Variants in SIN3B observed in about 807,000 individuals in gnomAD.
The protein encoded by SIN3B is paired amphipathic helix protein Sin3b.
Under a neutral mutation model 120.2 loss-of-function variants are expected in SIN3B, and 19 were observed. The observed-to-expected ratio is 0.16, with a 90% CI of 0.11 to 0.23. The LOEUF is 0.23. Among genes scored for constraint, SIN3B ranks in the 10% least tolerant of loss-of-function variants. The pLI is 1.00. For missense variants in SIN3B, 1,073 were observed against 1,573.0 expected, an observed-to-expected ratio of 0.68 and a Z score of 5.38; for synonymous variants, 654 against 653.2, an observed-to-expected ratio of 1.00 and a Z score of -0.02.
At chr19:16,844,873 G>A (rs1480427784) in intron 4 of SIN3B, among the ~76,000 whole-genome samples, 1 of 152,180 alleles carries the variant, frequency 6.6e-6, no homozygotes, top group Non-Finnish European at 1.5e-5. Flanking sequence ...AAATCAGACA[G>A]GTCATTGTGG....
At chr19:16,855,274 C>T (rs566297050) in intron 8 of SIN3B, 1 of 149,790 alleles carries the variant, frequency 6.7e-6, no homozygotes. Flanking sequence ...CTGCCTCAGC[C>T]GGAGTCTGTT....
chr19:16,867,681 C>T (rs769138793), intron 12 of SIN3B, among the ~76,000 whole-genome samples: 7 of 152,178 alleles, frequency 4.6e-5, no homozygotes. Context: ...GCACAGTGAG[C>T]GGTCGCTCCT....
intron 11 of SIN3B, among the ~76,000 whole-genome samples, 166 bp downstream of exon 11, chr19:16,865,814 G>A (rs1971764235): frequency 1.3e-5 from 2 of 151,508 alleles, no homozygotes; most frequent in East Asian, 1.9e-4. Context: ...GTGCCTTCCT[G>A]TATTTCCCAG....
chr19:16,843,813 A>G (rs182043342), intron 4 of SIN3B, among the ~76,000 whole-genome samples: 50 of 151,930 alleles, frequency 3.3e-4, no homozygotes, highest in Admixed American at 7.9e-4. Context: ...CAGGATTCCC[A>G]TTCATCAGGG....
intron 12 of SIN3B, among the ~76,000 whole-genome samples, chr19:16,867,014 CAAA>C (rs1193171236): frequency 6.6e-6 from 1 of 152,186 alleles, no homozygotes; most frequent in Non-Finnish European, 1.5e-5. Context: ...CTCAGCCTCC[CAAA>C]GTGCTGGGAT....
chr19:16,874,355 G>C (rs1205652564), intron 14 of SIN3B, among the ~76,000 whole-genome samples: 1 of 151,986 alleles, frequency 6.6e-6, no homozygotes, highest in Non-Finnish European at 1.5e-5. Context: ...GTCTGGCCTG[G>C]TCTGGTCTGG....
At position 16,847,020 on chromosome 19, in the gene SIN3B, G is replaced by A; in HGVS notation, c.633G>A (p.Glu211=). Residue 211 remains glutamate, a synonymous_variant, in exon 5 of 19, where the codon GAG becomes GAA. Coordinates refer to ENST00000248054, the MANE Select transcript of SIN3B (RefSeq NM_001297595.2). ...RGRPFRGMSE[E]EVFTEVANLF... ...GGCCATTCCGAGGCATGTCTGAAGA[G>A]GAGGTGTTCACCGAGGTGGCCAACC... The A allele has an allele frequency of 6.2e-7, 1 of 1,614,228 alleles. No individual in the cohort carries two copies.
intron 4 of SIN3B, 128 bp from the exon 5 acceptor site, chr19:16,846,841 AC>A: frequency 1.0e-6 from 1 of 979,086 alleles, no homozygotes; most frequent in Non-Finnish European, 1.5e-6. Flanking sequence ...TGCAGACAGG[AC>A]CCTGCGGGCA....
In SIN3B at chr19:16,841,858, G is replaced by A. The variant is rs778232037; in HGVS notation, c.472G>A (p.Asp158Asn). Residue 158 changes from aspartate to asparagine, a missense_variant, in exon 4 of 19, where the codon GAT becomes AAT. By Grantham distance (23) the Asp-to-Asn change is conservative. Transcript: ENST00000248054. ...CAAACCCCAGGTGCCCCTGGAGTCC[G>A]ATTCCGTGGAATTCAACAACGCCAT... ...EDKPQVPLES[D>N]SVEFNNAISY... 12 of 1,614,110 alleles carry A rather than the reference G, an allele frequency of 7.4e-6. No individual in the cohort carries two copies. The highest frequency in any genetic ancestry group is 9.3e-6 in the Non-Finnish European group (11 of 1,180,010).
intron 3 of SIN3B, among the ~76,000 whole-genome samples, chr19:16,837,918 C>G (rs536929837): frequency 6.6e-6 from 1 of 152,204 alleles, no homozygotes; most frequent in East Asian, 1.9e-4. Context: ...ATTTGAGGCT[C>G]TGTTAATCAG....
intron 8 of SIN3B, among the ~76,000 whole-genome samples, chr19:16,860,725 C>T (rs1339634636): frequency 1.3e-5 from 2 of 151,522 alleles, no homozygotes; most frequent in Non-Finnish European, 2.9e-5. Flanking sequence ...CTCAGCCTCT[C>T]CCAGTAGCTG....
At chr19:16,865,749 T>C in intron 11 of SIN3B, 101 bp downstream of exon 11, 1 of 787,176 alleles carries the variant, frequency 1.3e-6, no homozygotes, top group Non-Finnish European at 2.0e-6. Context: ...GGAGAGCTCA[T>C]TAGTGCTGTT....
In SIN3B at chr19:16,875,524, CTGGTCTGGTCTGTT is replaced by C. The variant is rs1247680723; in HGVS notation, c.2593-504_2593-491del. On this transcript the variant is annotated intron_variant, in intron 14 of 18. Transcript: ENST00000248054. ...TTTGGTCTGGTCTGGTCTGTTTGGT[CTGGTCTGGTCTGTT>C]TGGTCTGGTCTGTTTGGTCTGGTCT... Among the ~76,000 whole-genome samples the C allele has an allele frequency of 6.1e-3, 800 of 131,758 alleles. 17 individuals carry two copies. Among genetic ancestry groups the C allele is most frequent in the African/African-American group, 0.021 (713 of 33,374 alleles). 86.4% of individuals were successfully genotyped at this position (131,758 alleles called of 152,430 possible).
At chr19:16,844,862 G>C (rs1447591854) in intron 4 of SIN3B, among the ~76,000 whole-genome samples, 1 of 152,206 alleles carries the variant, frequency 6.6e-6, no homozygotes, top group African/African-American at 2.4e-5. Context: ...GAGGTCATCT[G>C]AAATCAGACA....
intron 8 of SIN3B, among the ~76,000 whole-genome samples, chr19:16,856,299 G>A (rs1971614025): frequency 6.6e-6 from 1 of 152,122 alleles, no homozygotes; most frequent in South Asian, 2.1e-4. Flanking sequence ...GCTGGGGCCA[G>A]TGTTGCTTCC....
Position 16,877,974 on chromosome 19 carries a change from C to T in SIN3B, c.2955-209C>T, listed in dbSNP as rs926822562. 7.2e-5 allele frequency among the ~76,000 whole-genome samples: 11 copies of T among 152,104 alleles called. No homozygotes were observed. In the South Asian group the frequency reaches 1.4e-3, roughly 20 times the overall value. On this transcript the variant is annotated intron_variant, in intron 17 of 18. Coordinates refer to ENST00000248054, the MANE Select transcript of SIN3B (RefSeq NM_001297595.2). ...GGCAGGACCCTGGACCACCTCAGGT[C>T]GGGCTAGGATGGCACCTATGGGACC...
At chr19:16,864,387 G>A (rs1370992903) in intron 10 of SIN3B, among the ~76,000 whole-genome samples, 1 of 151,850 alleles carries the variant, frequency 6.6e-6, no homozygotes, top group Non-Finnish European at 1.5e-5. Context: ...GAAGTGCAGT[G>A]GCGTAATCAT....
intron 8 of SIN3B, among the ~76,000 whole-genome samples, chr19:16,860,339 C>T (rs148294810): frequency 6.6e-6 from 1 of 152,324 alleles, no homozygotes; most frequent in East Asian, 1.9e-4. Flanking sequence ...TCGGGTTGAG[C>T]ATTCCCTTCA....
At position 16,878,242 on chromosome 19, in the gene SIN3B, A is replaced by G; in HGVS notation, c.3014A>G (p.Glu1005Gly). The G allele has an allele frequency of 6.3e-7, 1 of 1,599,822 alleles. No individual in the cohort carries two copies. The highest frequency in any genetic ancestry group is 1.1e-5 in the South Asian group (1 of 88,854). Reference sequence around the variant, plus strand: ...GAGCAGGCGCGGGCCCTGCGCGGTGAGGCCAGGAGCTCCTGGAAGCGGCTG... The same window carrying G: ...GAGCAGGCGCGGGCCCTGCGCGGTGGGGCCAGGAGCTCCTGGAAGCGGCTG... Reference protein sequence around the residue: ...QSEQARALRGEARSSWKRLVG... With the variant: ...QSEQARALRGGARSSWKRLVG... The change falls in exon 18 of 19, where the codon GAG becomes GGG. Residue 1005 changes from glutamate to glycine, a missense_variant. Physicochemically the swap from Glu to Gly is moderately conservative, Grantham distance 98. Coordinates refer to ENST00000248054, the MANE Select transcript of SIN3B (RefSeq NM_001297595.2).
Sources: gnomAD v4.1 joint callset for allele counts (sites outside exome capture counted in the v4.1 genomes callset) on GRCh38, gnomAD v4.1.1 for gene constraint, MANE v1.5 for transcripts, NCBI Gene and HGNC (gene_info 2026-07-23, HGNC 2026-07-21) for gene names.